CFAP46: variants seen among roughly 807,000 people sequenced by gnomAD.
The protein encoded by CFAP46 is cilia- and flagella-associated protein 46.
In CFAP46, 245 loss-of-function variants were observed where a neutral mutation model predicts 325.7. That is an observed-to-expected ratio of 0.75 (90% confidence interval 0.68 to 0.84). CFAP46 has a LOEUF of 0.84. Among genes scored for constraint, CFAP46 ranks in the 40% least tolerant of loss-of-function variants. The pLI, the probability that CFAP46 is intolerant of heterozygous loss-of-function variation, is 0.00. For synonymous variants in CFAP46, 1,523 were observed against 1,495.9 expected (o/e 1.02, Z -0.42); for missense variants, 3,346 against 3,543.0 (o/e 0.94, Z 1.41).
chr10:132,912,579 C>CTCTCTCTTCACCT (rs59161995), intron 19 of CFAP46, 76 bp downstream of exon 19: 48,267 of 1,283,114 alleles, frequency 0.038, 2,116 homozygotes, highest in Admixed American at 0.1. Context: ...TTTCACCTCT[C>CTCTCTCTTCACCT]CTCTCCTCTC....
chr10:132,821,171 G>A (rs1177329556), intron 50 of CFAP46, among the ~76,000 whole-genome samples: 4 of 125,666 alleles, frequency 3.2e-5, no homozygotes, highest in Admixed American at 1.7e-4. Context: ...CTGTCTGTGC[G>A]CTGATGTGTG....
Position 132,836,964 on chromosome 10 carries a change from G to A in CFAP46, c.6439-50C>T, listed in dbSNP as rs112068063. 728 of 1,363,266 alleles carry A rather than the reference G, an allele frequency of 5.3e-4. 3 individuals carry two copies. In the African/African-American group the frequency reaches 9.1e-3, roughly 17 times the overall value. The allele number at this position is 1,363,266 out of a possible 1,614,324, so 84.4% of individuals were successfully genotyped here. On this transcript the variant is annotated intron_variant, in intron 44 of 57. Coordinates refer to ENST00000368586, the MANE Select transcript of CFAP46 (RefSeq NM_001200049.3). ...GGGGATGCATTTAGGACGCAAGGAC[G>A]TCGCTGTGCTGTTCCCCTCATTTCC...
chr10:132,932,341 ATTCCCCACATAGAGCCTGGGCTTTC>A (rs1489765142), intron 8 of CFAP46, among the ~76,000 whole-genome samples: 5 of 107,978 alleles, frequency 4.6e-5, no homozygotes, highest in Admixed American at 9.4e-5. Context: ...GCCTCCCCAC[ATTCCCCACATAGAGCCTGGGCTTTC>A]CTCCTCCCCA....
At chr10:132,834,162 GATAA>G in intron 48 of CFAP46, 39 bp from the exon 49 acceptor site, 1 of 1,592,174 alleles carries the variant, frequency 6.3e-7, no homozygotes, top group Non-Finnish European at 8.6e-7. Flanking sequence ...AAGAAACAGA[GATAA>G]CAAACGCTTG....
rs1418835998 is a variant in CFAP46, at chr10:132,885,952, C to T, written c.3312G>A (p.Glu1104=). ...TTEGYFLPGA[E]DDLALRAALY... ...GCGCAGCACGGAGCGCCAGGTCGTC[C>T]TCAGCCCCTGGGAGGGAGAAGGAGG... is the stretch of plus-strand genomic sequence containing the variant. Residue 1104 remains glutamate (E), a synonymous_variant, in exon 26 of 58, where the codon GAG becomes GAA. Transcript: ENST00000368586. 1 of 1,549,822 alleles carries T rather than the reference C, an allele frequency of 6.5e-7. No individual in the cohort carries two copies. Among genetic ancestry groups the T allele is most frequent in the Non-Finnish European group, 8.7e-7 (1 of 1,146,510 alleles).
Position 132,827,637 on chromosome 10 carries a change from G to C in CFAP46, c.7117+5721C>G, listed in dbSNP as rs1245196331. 6.6e-6 allele frequency among the ~76,000 whole-genome samples: 1 copy of C among 152,058 alleles called. No individual in the cohort carries two copies. The highest frequency in any genetic ancestry group is 1.5e-5 in the Non-Finnish European group (1 of 68,026). On this transcript the variant is annotated intron_variant, in intron 50 of 57. Transcript: ENST00000368586. The surrounding 1 kb of genome is among the most constrained non-coding windows in gnomAD (Gnocchi z 5.7). Reference sequence around the variant, plus strand: ...AGGGAGCTGCCTGCATTTAAAGTGAGCAACGTGACGGGACTGGACGCTGCA... The same window carrying C: ...AGGGAGCTGCCTGCATTTAAAGTGACCAACGTGACGGGACTGGACGCTGCA...
intron 35 of CFAP46, 21 bp from the exon 36 acceptor site, chr10:132,861,003 C>G: frequency 6.5e-7 from 1 of 1,549,884 alleles, no homozygotes; most frequent in South Asian, 1.2e-5. Context: ...GAAACTCAGA[C>G]ATGCTTGGGT....
chr10:132,825,116 G>A (rs535786219), intron 50 of CFAP46, among the ~76,000 whole-genome samples: 84 of 140,342 alleles, frequency 6.0e-4, no homozygotes, highest in African/African-American at 2.0e-3. Flanking sequence ...GTGTGCTGAT[G>A]TGTGCACTGT....
chr10:132,927,723 A>G (rs923732046), intron 9 of CFAP46, among the ~76,000 whole-genome samples: 58 of 152,352 alleles, frequency 3.8e-4, no homozygotes, highest in African/African-American at 1.4e-3. Context: ...CATTTCCACC[A>G]TTCACTCAGG....
At position 132,931,941 on chromosome 10, in the gene CFAP46, C is replaced by T. The variant is rs559460255; in HGVS notation, c.867-2137G>A. Reference sequence around the variant, plus strand: ...CTCCCCACGCAGAGGCTGGGCCTTCCTCCTCCACACACAGAGGCTGGGCCT... The same window carrying T: ...CTCCCCACGCAGAGGCTGGGCCTTCTTCCTCCACACACAGAGGCTGGGCCT... On this transcript the variant is annotated intron_variant, in intron 8 of 57. Transcript: ENST00000368586. Among the ~76,000 whole-genome samples the T allele has an allele frequency of 3.6e-5, 5 of 140,634 alleles. No homozygotes were observed. In the South Asian group the frequency reaches 1.2e-3, roughly 34 times the overall value. 92.3% of individuals were successfully genotyped at this position (140,634 alleles called of 152,430 possible). A position where few individuals can be genotyped will look rare whatever the true frequency, so the allele number is the denominator to read the frequency against.
rs1433452865 is a variant in CFAP46, at chr10:132,934,762, T to C, written c.856A>G (p.Ser286Gly). Residue 286 changes from serine (S) to glycine (G), a missense_variant, in exon 8 of 58, where the codon AGT becomes GGT. Physicochemically the swap from Ser to Gly is moderately conservative, Grantham distance 56. Transcript: ENST00000368586. ...HYNHQRFPSI[S>G]EEKMLLLFEL... ...AATACAAACACTTACTTTTCTTCAC[T>C]GATAGAGGGAAAGCGCTGGTGGTTG... The C allele has an allele frequency of 1.9e-6, 3 of 1,599,800 alleles. No individual in the cohort carries two copies. Among genetic ancestry groups the C allele is most frequent in the East Asian group, 2.2e-5 (1 of 44,804 alleles).
In CFAP46 at chr10:132,940,611, G is replaced by A. The variant is rs978130535; in HGVS notation, c.371+385C>T. Among the ~76,000 whole-genome samples, 4 of 151,664 alleles carry A rather than the reference G, an allele frequency of 2.6e-5. No individual in the cohort carries two copies. The South Asian group carries it at 6.3e-4, about 24-fold the overall frequency. On this transcript the variant is annotated intron_variant, in intron 4 of 57. Transcript: ENST00000368586. ...TTTTTTTTTATTGATACAGAGTCTC[G>A]CTGTCATCCAGGCTGGAGTGCAGTG... is the stretch of plus-strand genomic sequence containing the variant.
In CFAP46 at chr10:132,814,719, CA is replaced by C; in HGVS notation, c.7215del (p.Asp2406ThrfsTer4). 1.9e-6 allele frequency: 3 copies of C among 1,612,826 alleles called. No homozygotes were observed. The highest frequency in any genetic ancestry group is 2.5e-6 in the Non-Finnish European group (3 of 1,179,450). Reference protein sequence around the residue: ...RKGSIPRTIPPDCIIVDSDNF... With the variant: ...RKGSIPRTIPXDCIIVDSDNF... ...TTGTCTGAGTCGACTATGATGCAGT[CA>C]GGGGGGATGGTCCGGGGGATGCTGC... On this transcript the variant is annotated frameshift_variant, in exon 52 of 58. Coordinates refer to ENST00000368586, the MANE Select transcript of CFAP46 (RefSeq NM_001200049.3). LOFTEE classifies it high-confidence loss of function.
At chr10:132,865,142 T>C (rs1459750723) in intron 35 of CFAP46, among the ~76,000 whole-genome samples, 1 of 152,190 alleles carries the variant, frequency 6.6e-6, no homozygotes, top group African/African-American at 2.4e-5. Flanking sequence ...ACCCTCCCAG[T>C]GAAAGCAACT....
At chr10:132,883,484 G>T (rs759989376) in intron 27 of CFAP46, among the ~76,000 whole-genome samples, 3 of 152,260 alleles carry the variant, frequency 2.0e-5, no homozygotes, top group African/African-American at 7.2e-5. Flanking sequence ...GCTGGTGAGC[G>T]TGTGGAGAAA....
chr10:132,835,656 C>T (rs1591043146), intron 46 of CFAP46, among the ~76,000 whole-genome samples: 2 of 152,194 alleles, frequency 1.3e-5, no homozygotes, highest in African/African-American at 2.4e-5. Flanking sequence ...GGGAAGCACA[C>T]GCCCCGTCTA....
rs1848976441 is a variant in CFAP46, at chr10:132,877,749, G to A, written c.4212+132C>T. Reference sequence around the variant, plus strand: ...AACCCTGACAGGCAGGGAAACTGAGGCACAGGCCATCCCGGGCCCGGCCTC... The same window carrying A: ...AACCCTGACAGGCAGGGAAACTGAGACACAGGCCATCCCGGGCCCGGCCTC... On this transcript the variant is annotated intron_variant, in intron 30 of 57. Coordinates refer to ENST00000368586, the MANE Select transcript of CFAP46 (RefSeq NM_001200049.3). The surrounding 1 kb of genome is among the most constrained non-coding windows in gnomAD (Gnocchi z 5.7). The A allele has an allele frequency of 2.2e-6, 2 of 925,460 alleles. No homozygotes were observed. Among genetic ancestry groups the A allele is most frequent in the East Asian group, 5.3e-5 (2 of 37,900 alleles). The allele number at this position is 925,460 out of a possible 1,614,324, so 57.3% of individuals were successfully genotyped here.
intron 19 of CFAP46, among the ~76,000 whole-genome samples, chr10:132,911,481 C>T (rs534780151): frequency 6.6e-6 from 1 of 152,216 alleles, no homozygotes; most frequent in Non-Finnish European, 1.5e-5. Context: ...TGCGGAGACA[C>T]TCAAGGCCTC....
chr10:132,940,909 G>A (rs1430694217), intron 4 of CFAP46, 87 bp downstream of exon 4: 2 of 1,338,178 alleles, frequency 1.5e-6, no homozygotes, highest in African/African-American at 1.4e-5. Flanking sequence ...AAACCCCACA[G>A]TTCAAATAAA....
Sources: gnomAD v4.1 joint callset for allele counts (sites outside exome capture counted in the v4.1 genomes callset) on GRCh38, gnomAD v4.1.1 for gene constraint, Gnocchi (gnomAD v3.1) non-coding constraint, MANE v1.5 for transcripts, NCBI Gene and HGNC (gene_info 2026-07-23, HGNC 2026-07-21) for gene names.